IRAK2: variants seen among roughly 807,000 people sequenced by gnomAD.
IRAK2 encodes interleukin-1 receptor-associated kinase-like 2.
In IRAK2, 57 loss-of-function variants were observed where a neutral mutation model predicts 72.0. The observed-to-expected ratio is 0.79, with a 90% CI of 0.64 to 0.99. IRAK2 has a LOEUF of 0.99. Ranked by LOEUF, IRAK2 falls within the 50% of genes least tolerant of loss-of-function variation. IRAK2 has a pLI of 0.00. For synonymous variants in IRAK2, 293 were observed against 312.7 expected (o/e 0.94, Z 0.67); for missense variants, 790 against 794.4 (o/e 0.99, Z 0.07).
At chr3:10,207,197 C>T (rs993206977) in intron 3 of IRAK2, among the ~76,000 whole-genome samples, 5 of 152,296 alleles carry the variant, frequency 3.3e-5, no homozygotes, top group East Asian at 1.9e-4. Context: ...AGGTGATCCA[C>T]CTGCCTCGGC....
intron 2 of IRAK2, among the ~76,000 whole-genome samples, chr3:10,184,793 G>A (rs1325214816): frequency 4.2e-5 from 6 of 142,792 alleles, no homozygotes; most frequent in African/African-American, 8.0e-5. Context: ...GCAGTGGCGC[G>A]ATCTCGGCTC....
intron 10 of IRAK2, among the ~76,000 whole-genome samples, chr3:10,232,121 C>A (rs1419710943): frequency 1.5e-5 from 2 of 135,790 alleles, no homozygotes; most frequent in Non-Finnish European, 1.6e-5. Context: ...AGCGAGACTC[C>A]GTCTCAACAA....
At chr3:10,215,856 G>T (rs1284286579) in intron 6 of IRAK2, among the ~76,000 whole-genome samples, 2 of 152,062 alleles carry the variant, frequency 1.3e-5, no homozygotes, top group Admixed American at 1.3e-4. Context: ...CATGGAGTCG[G>T]CAGTCACTCC....
chr3:10,213,774 C>T (rs1421898767), intron 6 of IRAK2, among the ~76,000 whole-genome samples: 1 of 152,130 alleles, frequency 6.6e-6, no homozygotes, highest in East Asian at 1.9e-4. Context: ...GTGGCAGAGC[C>T]AGGATTTGGA....
intron 2 of IRAK2, among the ~76,000 whole-genome samples, chr3:10,197,069 A>G (rs967535836): frequency 6.6e-6 from 1 of 152,070 alleles, no homozygotes; most frequent in Admixed American, 6.6e-5. Context: ...ATAAATCACA[A>G]AGAAAAAAAC....
At chr3:10,241,040 A>G (rs1250120411) in intron 12 of IRAK2, among the ~76,000 whole-genome samples, 2 of 151,844 alleles carry the variant, frequency 1.3e-5, no homozygotes, top group African/African-American at 4.8e-5. Flanking sequence ...CATCATAAAT[A>G]GGAACAGGGA....
At chr3:10,166,701 G>A (rs1440689530) in intron 1 of IRAK2, among the ~76,000 whole-genome samples, 1 of 152,120 alleles carries the variant, frequency 6.6e-6, no homozygotes, top group Non-Finnish European at 1.5e-5. Context: ...CTGGAATGCA[G>A]TGGCGAGATC....
At chr3:10,241,936 G>A (rs1187767613) in intron 12 of IRAK2, among the ~76,000 whole-genome samples, 180 bp from the exon 13 acceptor site, 1 of 146,794 alleles carries the variant, frequency 6.8e-6, no homozygotes, top group Non-Finnish European at 1.5e-5. Flanking sequence ...TTGTGCCACT[G>A]CACTCCAGCC....
chr3:10,181,183 C>T (rs1008789990), intron 2 of IRAK2, among the ~76,000 whole-genome samples: 1 of 152,298 alleles, frequency 6.6e-6, no homozygotes, highest in African/African-American at 2.4e-5. Flanking sequence ...GCCCAGGCCA[C>T]AGCCTCCCCA....
intron 11 of IRAK2, among the ~76,000 whole-genome samples, chr3:10,238,134 A>AG (rs1397717856): frequency 1.3e-5 from 2 of 152,028 alleles, no homozygotes; most frequent in African/African-American, 4.8e-5. Flanking sequence ...AGACATAGGG[A>AG]GGGGGAAGAA....
At chr3:10,219,073 C>A (rs1310926530) in intron 7 of IRAK2, among the ~76,000 whole-genome samples, 2 of 152,188 alleles carry the variant, frequency 1.3e-5, no homozygotes, top group Non-Finnish European at 2.9e-5. Context: ...TGGCACGTGC[C>A]TGTGATCCCA....
chr3:10,165,331 C>A (rs1216055912), intron 1 of IRAK2, among the ~76,000 whole-genome samples: 2 of 152,136 alleles, frequency 1.3e-5, no homozygotes, highest in African/African-American at 4.8e-5. Context: ...GCGCTGCTGG[C>A]TCGGTGACGT....
At chr3:10,180,055 T>A (rs1024710363) in intron 2 of IRAK2, among the ~76,000 whole-genome samples, 1 of 152,170 alleles carries the variant, frequency 6.6e-6, no homozygotes, top group African/African-American at 2.4e-5. Context: ...GAGAACAGGA[T>A]CATGTGTGAT....
chr3:10,188,090 A>G (rs1409606488), intron 2 of IRAK2, among the ~76,000 whole-genome samples: 2 of 152,152 alleles, frequency 1.3e-5, no homozygotes, highest in African/African-American at 4.8e-5. Context: ...TGAGTATCCC[A>G]GCTGTGGCTC....
chr3:10,208,161 CAGGCCTTGGCCAAAG>C (rs1697460176), intron 3 of IRAK2, among the ~76,000 whole-genome samples: 2 of 151,812 alleles, frequency 1.3e-5, no homozygotes, highest in African/African-American at 4.8e-5. Flanking sequence ...CGCACAGAAG[CAGGCCTTGGCCAAAG>C]GCCAAGGCCC....
intron 6 of IRAK2, among the ~76,000 whole-genome samples, chr3:10,214,373 C>T (rs562960317): frequency 2.7e-5 from 4 of 148,946 alleles, no homozygotes; most frequent in South Asian, 2.1e-4. Flanking sequence ...TACAGGTGTG[C>T]GCCCAGCTCA....
At position 10,217,013 on chromosome 3, in the gene IRAK2, G is replaced by A; in HGVS notation, c.868G>A (p.Ala290Thr). ...QFHSFIYPYM[A>T]NGSLQDRLQG... ...TCACAGCTTCATCTACCCCTACATG[G>A]CAAATGGTTCCCTACAGGACAGACT... Residue 290 changes from alanine to threonine, a missense_variant, in exon 7 of 13, where the codon GCA becomes ACA. Ala to Thr is a moderately conservative substitution (Grantham distance 58). Transcript: ENST00000256458. 6.2e-7 allele frequency: 1 copy of A among 1,613,966 alleles called. No individual in the cohort carries two copies. The highest frequency in any genetic ancestry group is 8.5e-7 in the Non-Finnish European group (1 of 1,179,882).
intron 10 of IRAK2, among the ~76,000 whole-genome samples, chr3:10,226,813 G>A (rs781776109): frequency 2.6e-5 from 4 of 151,896 alleles, no homozygotes; most frequent in East Asian, 1.9e-4. Context: ...AGGTGTGGTC[G>A]CATGTGCCTG....
At chr3:10,223,153 A>C (rs1479195756) in intron 9 of IRAK2, among the ~76,000 whole-genome samples, 1 of 152,150 alleles carries the variant, frequency 6.6e-6, no homozygotes, top group Non-Finnish European at 1.5e-5. Context: ...TTGAAGGAAA[A>C]CCACTCATGA....
Sources: allele counts gnomAD v4.1 joint callset (sites outside exome capture counted in the v4.1 genomes callset), GRCh38; gene constraint gnomAD v4.1.1; transcripts MANE v1.5; gene names NCBI Gene and HGNC (gene_info 2026-07-23, HGNC 2026-07-21).